NOD2: variants seen among roughly 807,000 people sequenced by gnomAD.
The protein encoded by NOD2 is nucleotide binding oligomerization domain containing 2.
In NOD2, 86 loss-of-function variants were observed where a neutral mutation model predicts 90.9. That is an observed-to-expected ratio of 0.95 (90% CI 0.79 to 1.13). The LOEUF (loss-of-function observed/expected upper bound fraction) is 1.13, where lower values mean the gene tolerates loss of function less well. Among genes scored for constraint, NOD2 ranks in the 50% most tolerant of loss-of-function variants. NOD2 has a pLI of 0.00. For synonymous variants in NOD2, 581 were observed against 554.6 expected (o/e 1.05, Z -0.67); for missense variants, 1,238 against 1,283.8 (o/e 0.96, Z 0.55).
Position 50,711,520 on chromosome 16 carries a change from C to T in NOD2, c.1528C>T (p.Pro510Ser), listed in dbSNP as rs767197520. The T allele has an allele frequency of 3.1e-5, 50 of 1,613,158 alleles. No individual in the cohort carries two copies. The highest frequency in any genetic ancestry group is 1.9e-4 in the African/African-American group (14 of 74,938). Reference protein sequence around the residue: ...PPDSASQGLGPSLLRGRLPTL... With the variant: ...PPDSASQGLGSSLLRGRLPTL... Reference sequence around the variant, plus strand: ...AGACTCAGCTTCCCAAGGTCTGGGACCCAGTCTTCTTCGGGGCCGCCTCCC... The same window carrying T: ...AGACTCAGCTTCCCAAGGTCTGGGATCCAGTCTTCTTCGGGGCCGCCTCCC... Residue 510 changes from proline to serine, a missense_variant, in exon 4 of 12, where the codon CCC becomes TCC. This residue lies in a region of NOD2 where 667 missense variants were observed against 688.7 expected (regional missense o/e 0.97). Coordinates refer to ENST00000647318, the MANE Select transcript of NOD2 (RefSeq NM_001370466.1).
Position 50,699,810 on chromosome 16 carries a change from A to T in NOD2, c.315A>T (p.Arg105=). The T allele has an allele frequency of 6.2e-7, 1 of 1,613,682 alleles. No individual in the cohort carries two copies. Among genetic ancestry groups the T allele is most frequent in the Non-Finnish European group, 8.5e-7 (1 of 1,179,992 alleles). Residue 105 remains arginine, a synonymous_variant, in exon 2 of 12, where the codon CGA becomes CGT. Transcript: ENST00000647318. ...ACCCCCACTCGCTCCACCCAGCCCG[A>T]GACCTGCAGAGTCACCGGCCAGCCA... ...CWDPHSLHPA[R]DLQSHRPAIV... is the part of the protein sequence containing the mutation.
chr16:50,729,495 C>T (rs183357209), intron 10 of NOD2, among the ~76,000 whole-genome samples: 23 of 152,210 alleles, frequency 1.5e-4, no homozygotes, highest in Middle Eastern at 3.4e-3. Context: ...CTAATTTGCT[C>T]GAGATCAAAA....
intron 7 of NOD2, among the ~76,000 whole-genome samples, chr16:50,722,416 C>T (rs1276195868): frequency 6.6e-6 from 1 of 152,334 alleles, no homozygotes; most frequent in East Asian, 1.9e-4. Flanking sequence ...CCACTGAAAA[C>T]TCTTGGGTTA....
rs1453393294 is a variant in NOD2, at chr16:50,710,475, G to A, written c.566-83G>A. ...CTCCTATCCCTTCAGTTATGTCAGC[G>A]TCCCCCGCAGCAGCCCATTGTCTGG... On this transcript the variant is annotated intron_variant, in intron 3 of 11. Coordinates refer to ENST00000647318, the MANE Select transcript of NOD2 (RefSeq NM_001370466.1). 1.1e-4 allele frequency: 172 copies of A among 1,585,338 alleles called. 2 individuals are homozygous for A. The highest frequency in any genetic ancestry group is 4.0e-5 in the African/African-American group (3 of 74,378).
intron 1 of NOD2, among the ~76,000 whole-genome samples, chr16:50,698,480 A>C (rs1409675983): frequency 2.0e-5 from 3 of 152,230 alleles, no homozygotes; most frequent in African/African-American, 4.8e-5. Context: ...CGCCTAGGAC[A>C]GGACCTTTAG....
Position 50,718,603 on chromosome 16 carries a change from C to A in NOD2, c.2550-1322C>A, listed in dbSNP as rs375566161. On this transcript the variant is annotated intron_variant, in intron 6 of 11. Coordinates refer to ENST00000647318, the MANE Select transcript of NOD2 (RefSeq NM_001370466.1). ...TAATAGAGAGCACAGGCTCTGGAGC[C>A]AGACTGCCCGAGGTTTGAACCCTCA... Among the ~76,000 whole-genome samples the A allele has an allele frequency of 6.0e-4, 91 of 152,298 alleles. 1 individual carries two copies. The highest frequency in any genetic ancestry group is 2.2e-3 in the African/African-American group (90 of 41,550).
chr16:50,704,537 T>TTA (rs1555498450), intron 2 of NOD2, among the ~76,000 whole-genome samples: 5 of 151,750 alleles, frequency 3.3e-5, no homozygotes, highest in Non-Finnish European at 7.4e-5. Flanking sequence ...AAAACCTTTT[T>TTA]TTTTTTTTCT....
intron 1 of NOD2, chr16:50,697,365 T>G (rs1963700819): frequency 6.6e-7 from 1 of 1,513,486 alleles, no homozygotes; most frequent in Non-Finnish European, 9.0e-7. Context: ...TCAGCCTTCT[T>G]TCATCCTTGG....
intron 3 of NOD2, among the ~76,000 whole-genome samples, chr16:50,709,580 G>C (rs1456806306): frequency 6.6e-6 from 1 of 152,212 alleles, no homozygotes; most frequent in Non-Finnish European, 1.5e-5. Flanking sequence ...GGGGAGGATG[G>C]GGAAGTGGAG....
intron 11 of NOD2, among the ~76,000 whole-genome samples, chr16:50,731,037 G>T (rs907011070): frequency 6.6e-6 from 1 of 152,118 alleles, no homozygotes; most frequent in Non-Finnish European, 1.5e-5. Flanking sequence ...AAATTCAGCT[G>T]GGTGCGGTGT....
At chr16:50,699,327 A>G (rs925430856) in intron 1 of NOD2, among the ~76,000 whole-genome samples, 161 bp from the exon 2 acceptor site, 5 of 151,966 alleles carry the variant, frequency 3.3e-5, no homozygotes, top group African/African-American at 9.7e-5. Context: ...CTGGGTCTCA[A>G]TTTTCACATC....
chr16:50,727,565 T>A, intron 10 of NOD2: 1 of 286,908 alleles, frequency 3.5e-6, no homozygotes, highest in South Asian at 3.6e-5. Context: ...TGCATCCTCC[T>A]GGTTGTGGAA....
intron 9 of NOD2, among the ~76,000 whole-genome samples, chr16:50,724,354 C>T (rs1965193321): frequency 2.0e-5 from 3 of 152,144 alleles, no homozygotes; most frequent in Admixed American, 2.0e-4. Context: ...GTTATGAGAG[C>T]ATCAGTTATG....
intron 6 of NOD2, 178 bp from the exon 7 acceptor site, chr16:50,719,747 T>C (rs778983014): frequency 2.6e-5 from 19 of 722,258 alleles, no homozygotes; most frequent in Non-Finnish European, 4.1e-5. Context: ...TGGGGGAAAA[T>C]GAAGTTGTGG....
intron 2 of NOD2, among the ~76,000 whole-genome samples, chr16:50,705,987 A>G (rs907668373): frequency 6.6e-6 from 1 of 152,222 alleles, no homozygotes; most frequent in African/African-American, 2.4e-5. Flanking sequence ...GAAAGTAAGT[A>G]AAGTGGGTTT....
chr16:50,722,879 A>T (rs745550767), intron 8 of NOD2, among the ~76,000 whole-genome samples, 174 bp downstream of exon 8: 1 of 152,152 alleles, frequency 6.6e-6, no homozygotes, highest in Non-Finnish European at 1.5e-5. Context: ...TTTCTGGGTG[A>T]CTTGGAAATG....
In NOD2 at chr16:50,716,695, A is replaced by G. The variant is rs774708335; in HGVS notation, c.2465+25A>G. On this transcript the variant is annotated intron_variant, in intron 5 of 11. Coordinates refer to ENST00000647318, the MANE Select transcript of NOD2 (RefSeq NM_001370466.1). The stretch of plus-strand genomic sequence containing the variant: ...CGTAAGTCAGCCTGGGCTGTGGACA[A>G]TGGGCTCCAAGTGCCCTGGTCTCAC... 4 of 1,610,114 alleles carry G rather than the reference A, an allele frequency of 2.5e-6. No individual in the cohort carries two copies. In the South Asian group the frequency reaches 3.3e-5, roughly 13 times the overall value.
chr16:50,712,841 G>A (rs571278004), intron 4 of NOD2: 11 of 205,322 alleles, frequency 5.4e-5, no homozygotes, highest in Non-Finnish European at 1.1e-4. Context: ...TGTAGTATGT[G>A]TCCGTATCAG....
intron 2 of NOD2, among the ~76,000 whole-genome samples, chr16:50,701,126 A>C (rs117823701): frequency 3.2e-4 from 48 of 152,220 alleles, no homozygotes; most frequent in African/African-American, 1.2e-3. Context: ...TGCTGGACCA[A>C]TTGGCCAGCA....
Sources: gnomAD v4.1 joint callset for allele counts (sites outside exome capture counted in the v4.1 genomes callset) on GRCh38, gnomAD v4.1.1 for gene constraint, gnomAD v4.1.1 regional missense constraint, MANE v1.5 for transcripts, NCBI Gene and HGNC (gene_info 2026-07-23, HGNC 2026-07-21) for gene names.